Variants in SCAMP2 observed in about 807,000 individuals in gnomAD.
SCAMP2 encodes secretory carrier membrane protein 2.
In SCAMP2, 25 loss-of-function variants were observed where a neutral mutation model predicts 44.1. The ratio of observed to expected loss-of-function variants is 0.57; its 90% CI spans 0.41 to 0.79. SCAMP2 has a LOEUF of 0.79. SCAMP2 is among the 30% of genes least tolerant of loss of function. SCAMP2 has a pLI of 0.00. For synonymous variants in SCAMP2, 156 were observed against 166.0 expected (o/e 0.94, Z 0.46); for missense variants, 355 against 411.0 (o/e 0.86, Z 1.18).
At chr15:74,855,253 GCCACCATAC>G (rs1165744918) in intron 1 of SCAMP2, among the ~76,000 whole-genome samples, 5 of 151,786 alleles carry the variant, frequency 3.3e-5, no homozygotes, top group Non-Finnish European at 1.5e-5. Flanking sequence ...ACAGGCGGCC[GCCACCATAC>G]CCGGCTAATT....
Position 74,851,434 on chromosome 15 carries a change from G to GCTT in SCAMP2, c.388_390dup (p.Lys130dup). On this transcript the variant is annotated inframe_insertion, in exon 5 of 9. Transcript: ENST00000268099. The stretch of plus-strand genomic sequence containing the variant: ...GTGGAGAAATCCTGATAGAAGCAGG[G>GCTT]CTTCACAGGGCACCACGAGGGCAGA... 1 of 1,614,006 alleles carries GCTT rather than the reference G, an allele frequency of 6.2e-7. No homozygotes were observed.
chr15:74,853,465 G>A, intron 3 of SCAMP2: 1 of 456,506 alleles, frequency 2.2e-6, no homozygotes, highest in Non-Finnish European at 4.4e-6. Flanking sequence ...GAATTGGGCA[G>A]GCGGGAACTT....
intron 1 of SCAMP2, among the ~76,000 whole-genome samples, chr15:74,857,319 C>T (rs1381364432): frequency 6.6e-6 from 1 of 152,220 alleles, no homozygotes; most frequent in Non-Finnish European, 1.5e-5. Flanking sequence ...GTTCAGGAGG[C>T]TCTGTGTTGC....
At chr15:74,861,970 T>C (rs2064507822) in intron 1 of SCAMP2, among the ~76,000 whole-genome samples, 2 of 148,816 alleles carry the variant, frequency 1.3e-5, no homozygotes, top group Admixed American at 1.3e-4. Context: ...TACTAAATTA[T>C]GGGCCAGGCC....
intron 7 of SCAMP2, 46 bp downstream of exon 7, chr15:74,848,554 G>T: frequency 8.0e-7 from 1 of 1,243,398 alleles, no homozygotes; most frequent in Non-Finnish European, 1.2e-6. Flanking sequence ...GAGAGGCTGA[G>T]TCCCATATCC....
intron 1 of SCAMP2, 127 bp from the exon 2 acceptor site, chr15:74,854,776 T>C (rs2064457604): frequency 2.6e-6 from 2 of 756,374 alleles, no homozygotes; most frequent in Non-Finnish European, 4.4e-6. Flanking sequence ...GAGAAGCCTC[T>C]CTGGAAGGGT....
chr15:74,863,747 T>C (rs2064524277), intron 1 of SCAMP2, among the ~76,000 whole-genome samples: 1 of 152,184 alleles, frequency 6.6e-6, no homozygotes, highest in East Asian at 1.9e-4. Flanking sequence ...TGCCAAGCAC[T>C]GGGCTAGGGA....
intron 3 of SCAMP2, chr15:74,853,566 G>T: frequency 2.3e-6 from 1 of 427,350 alleles, no homozygotes; most frequent in Non-Finnish European, 4.8e-6. Context: ...AGGGCAGTGA[G>T]GCGGCGCAGT....
intron 1 of SCAMP2, among the ~76,000 whole-genome samples, chr15:74,859,985 C>A (rs1426174785): frequency 6.6e-6 from 1 of 152,166 alleles, no homozygotes; most frequent in Admixed American, 6.6e-5. Flanking sequence ...TCAGGGCCAG[C>A]CGGGCACGGT....
chr15:74,860,627 C>T (rs2064497173), intron 1 of SCAMP2, among the ~76,000 whole-genome samples: 1 of 142,996 alleles, frequency 7.0e-6, no homozygotes, highest in Admixed American at 7.5e-5. Flanking sequence ...GCGGAGGTTG[C>T]AGTGAGCCAA....
In SCAMP2 at chr15:74,873,215, T is replaced by C; in HGVS notation, c.41A>G (p.Asp14Gly). The C allele has an allele frequency of 6.9e-7, 1 of 1,457,272 alleles. No homozygotes were observed. Among genetic ancestry groups the C allele is most frequent in the Non-Finnish European group, 9.0e-7 (1 of 1,112,290 alleles). 90.3% of individuals were successfully genotyped at this position (1,457,272 alleles called of 1,614,324 possible). Reference sequence around the variant, plus strand: ...GGGCTCTACCTGGAAGGGGTTTACATCCACTGGGTCCGCGAAGGGGTTGGT... The same window carrying C: ...GGGCTCTACCTGGAAGGGGTTTACACCCACTGGGTCCGCGAAGGGGTTGGT... ...FDTNPFADPVDVNPFQDPSVT... is the reference protein window; with the variant it reads ...FDTNPFADPVGVNPFQDPSVT... Residue 14 changes from aspartate to glycine, a missense_variant, in exon 1 of 9, where the codon GAT (aspartate) becomes GGT (glycine). Transcript: ENST00000268099.
chr15:74,873,092 T>C, intron 1 of SCAMP2, 107 bp downstream of exon 1: 1 of 1,002,994 alleles, frequency 1.0e-6, no homozygotes, highest in Non-Finnish European at 1.4e-6. Context: ...ATTGGGCAGA[T>C]GACCCGTCCC....
intron 1 of SCAMP2, chr15:74,872,858 G>A: frequency 3.7e-6 from 1 of 272,084 alleles, no homozygotes; most frequent in Non-Finnish European, 6.9e-6. Context: ...CAAGAATGAG[G>A]GAATGCGATA....
intron 1 of SCAMP2, among the ~76,000 whole-genome samples, chr15:74,863,120 G>A (rs1205341837): frequency 6.6e-6 from 1 of 151,844 alleles, no homozygotes; most frequent in Non-Finnish European, 1.5e-5. Context: ...TGAGGTGGAC[G>A]GATCACCTGA....
rs1056382313 is a variant in SCAMP2 at position 74,851,630 on chromosome 15, T to A, written c.344-149A>T. ...CTTGGAGTCTGCATGGAGCATGGAGTGGGACAGAACAGGATAATGGAACCC... is the reference window on the plus strand; with the variant it reads ...CTTGGAGTCTGCATGGAGCATGGAGAGGGACAGAACAGGATAATGGAACCC... On this transcript the variant is annotated intron_variant, in intron 4 of 8. Transcript: ENST00000268099. 9 of 949,058 alleles carry A rather than the reference T, an allele frequency of 9.5e-6. 2 individuals are homozygous for A. In the Admixed American group the frequency reaches 2.3e-4, roughly 24 times the overall value. 58.8% of individuals were successfully genotyped at this position (949,058 alleles called of 1,614,324 possible).
intron 1 of SCAMP2, among the ~76,000 whole-genome samples, chr15:74,870,638 C>T (rs926862411): frequency 6.6e-6 from 1 of 152,122 alleles, no homozygotes; most frequent in African/African-American, 2.4e-5. Flanking sequence ...TCCTTGCAAA[C>T]GCTCTGTCAA....
chr15:74,868,413 G>A (rs1210339500), intron 1 of SCAMP2, among the ~76,000 whole-genome samples: 3 of 152,228 alleles, frequency 2.0e-5, no homozygotes, highest in Non-Finnish European at 2.9e-5. Flanking sequence ...AGGATATAAC[G>A]ACTGAGCAGA....
chr15:74,846,534 T>C (rs1390203378), intron 7 of SCAMP2, among the ~76,000 whole-genome samples: 1 of 151,610 alleles, frequency 6.6e-6, no homozygotes. Context: ...GAGGCCAAGA[T>C]GGGCGGATCA....
chr15:74,853,467 C>T (rs759566340), intron 3 of SCAMP2: 11 of 456,346 alleles, frequency 2.4e-5, no homozygotes, highest in South Asian at 3.1e-5. Flanking sequence ...ATTGGGCAGG[C>T]GGGAACTTGC....
Sources: allele counts gnomAD v4.1 joint callset (sites outside exome capture counted in the v4.1 genomes callset), GRCh38; gene constraint gnomAD v4.1.1; transcripts MANE v1.5; gene names NCBI Gene and HGNC (gene_info 2026-07-23, HGNC 2026-07-21).